Variants in DLGAP2 observed in about 807,000 individuals in gnomAD.
DLGAP2 encodes the protein DLG associated protein 2.
DLGAP2 carries 26 observed loss-of-function variants against 100.3 expected under a neutral mutation model. The observed-to-expected ratio is 0.26, with a 90% CI of 0.19 to 0.36. DLGAP2 has a LOEUF of 0.36. Among genes scored for constraint, DLGAP2 ranks in the 10% least tolerant of loss-of-function variants. The pLI is 1.00. For synonymous variants in DLGAP2, 886 were observed against 630.1 expected, an observed-to-expected ratio of 1.41 and a Z score of -6.08; for missense variants, 1,858 against 1,453.2, an observed-to-expected ratio of 1.28 and a Z score of -4.53.
intron 1 of DLGAP2, among the ~76,000 whole-genome samples, chr8:771,125 A>T (rs909882664): frequency 6.6e-6 from 1 of 152,124 alleles, no homozygotes; most frequent in East Asian, 1.9e-4. Flanking sequence ...TCAAGTAGTG[A>T]TTGTAAAATT....
chr8:1,538,262 T>C (rs908058058), intron 4 of DLGAP2, among the ~76,000 whole-genome samples: 5 of 152,172 alleles, frequency 3.3e-5, no homozygotes, highest in African/African-American at 9.7e-5. Context: ...ACTTAACTAA[T>C]TAAAATCTCT....
chr8:1,346,052 T>C (rs1184611918), intron 3 of DLGAP2, among the ~76,000 whole-genome samples: 1 of 152,248 alleles, frequency 6.6e-6, no homozygotes, highest in East Asian at 1.9e-4. Context: ...CCATGGGCAC[T>C]GTGCTCATGG....
intron 2 of DLGAP2, among the ~76,000 whole-genome samples, chr8:1,046,807 T>G (rs1802528272): frequency 6.6e-6 from 1 of 152,194 alleles, no homozygotes; most frequent in South Asian, 2.1e-4. Context: ...TATTAAATTT[T>G]CTGCTGAATT....
chr8:1,585,325 A>G (rs188306664), intron 6 of DLGAP2, among the ~76,000 whole-genome samples: 6 of 151,640 alleles, frequency 4.0e-5, no homozygotes, highest in African/African-American at 1.5e-4. Context: ...TTAGCCAGGC[A>G]TTTTGGCCCG....
intron 2 of DLGAP2, among the ~76,000 whole-genome samples, chr8:919,309 G>C (rs1465186936): frequency 6.6e-6 from 1 of 152,222 alleles, no homozygotes; most frequent in Admixed American, 6.5e-5. Flanking sequence ...TGGGGTAGCT[G>C]AGACAGAGCT....
chr8:1,276,849 C>G (rs779462184), intron 3 of DLGAP2, among the ~76,000 whole-genome samples: 1 of 152,156 alleles, frequency 6.6e-6, no homozygotes, highest in Non-Finnish European at 1.5e-5. Context: ...ATCATTTTCT[C>G]ACTAAAATTA....
chr8:897,517 G>C (rs752032423), intron 1 of DLGAP2, among the ~76,000 whole-genome samples: 3 of 152,202 alleles, frequency 2.0e-5, no homozygotes, highest in Non-Finnish European at 2.9e-5. Context: ...TATTTTACAT[G>C]AGTCTGTTTT....
intron 6 of DLGAP2, among the ~76,000 whole-genome samples, chr8:1,603,841 T>C (rs1449604412): frequency 1.3e-5 from 2 of 152,142 alleles, no homozygotes; most frequent in Non-Finnish European, 2.9e-5. Flanking sequence ...TGCGTCCTGC[T>C]GGCAGGAGAC....
At chr8:1,097,412 C>G (rs1804415585) in intron 2 of DLGAP2, among the ~76,000 whole-genome samples, 1 of 132,900 alleles carries the variant, frequency 7.5e-6, no homozygotes, top group Admixed American at 7.6e-5. Flanking sequence ...CCCTCTGTGG[C>G]ATGGAGAGGA....
chr8:822,320 C>T (rs1410409556), intron 1 of DLGAP2: 4 of 398,550 alleles, frequency 1.0e-5, no homozygotes, highest in African/African-American at 6.2e-5. Context: ...GGGGGCCTGG[C>T]CAGGCTCAGG....
At chr8:1,195,229 T>C (rs974521783) in intron 2 of DLGAP2, among the ~76,000 whole-genome samples, 19 of 152,180 alleles carry the variant, frequency 1.2e-4, no homozygotes, top group African/African-American at 3.9e-4. Flanking sequence ...GGGCTGCTGG[T>C]GTCCAGGACA....
intron 2 of DLGAP2, among the ~76,000 whole-genome samples, chr8:1,082,473 G>A (rs532972319): frequency 6.6e-6 from 1 of 152,278 alleles, no homozygotes; most frequent in South Asian, 2.1e-4. Flanking sequence ...GGGGTGCCGT[G>A]GCTCTCAGAG....
intron 1 of DLGAP2, among the ~76,000 whole-genome samples, chr8:875,204 C>T (rs918563693): frequency 6.6e-6 from 1 of 152,126 alleles, no homozygotes; most frequent in Non-Finnish European, 1.5e-5. Flanking sequence ...AGTCTGACAA[C>T]ATGCTTCTTT....
chr8:1,278,869 T>C (rs1396721805), intron 3 of DLGAP2, among the ~76,000 whole-genome samples: 1 of 152,342 alleles, frequency 6.6e-6, no homozygotes, highest in South Asian at 2.1e-4. Context: ...TGTGTACGAC[T>C]TTTTGGACAA....
chr8:861,006 G>A (rs1797378288), intron 1 of DLGAP2, among the ~76,000 whole-genome samples: 1 of 152,154 alleles, frequency 6.6e-6, no homozygotes, highest in Non-Finnish European at 1.5e-5. Flanking sequence ...GGCCACACGT[G>A]CAAAGGCCCT....
At chr8:1,685,278 C>T (rs893373757) in intron 12 of DLGAP2, among the ~76,000 whole-genome samples, 1 of 152,228 alleles carries the variant, frequency 6.6e-6, no homozygotes, top group African/African-American at 2.4e-5. Flanking sequence ...CCACAGAGAA[C>T]TGTGCCTGTG....
chr8:1,136,973 G>T (rs921089477), intron 2 of DLGAP2, among the ~76,000 whole-genome samples: 9 of 152,214 alleles, frequency 5.9e-5, no homozygotes, highest in Non-Finnish European at 1.0e-4. Flanking sequence ...CTGTAATCCT[G>T]CCTCTCAAGA....
chr8:1,140,644 C>T (rs1028151215), intron 2 of DLGAP2, among the ~76,000 whole-genome samples: 34 of 152,148 alleles, frequency 2.2e-4, no homozygotes, highest in African/African-American at 7.2e-4. Flanking sequence ...CCTAGGTTGT[C>T]CTCCTGTAGT....
Position 1,701,361 on chromosome 8 carries a change from G to C in DLGAP2, c.3123G>C (p.Ala1041=). The C allele has an allele frequency of 5.0e-6, 8 of 1,597,596 alleles. No individual in the cohort carries two copies. Among genetic ancestry groups the C allele is most frequent in the Non-Finnish European group, 6.8e-6 (8 of 1,172,906 alleles). ...SFRQNSASER[A]DSIEIYIPEA... ...GGCAGAATTCCGCCTCCGAGCGCGC[G>C]GACAGCATCGAGATCTACATCCCCG... Residue 1041 remains alanine, a synonymous_variant, in exon 15 of 15, where the codon GCG becomes GCC. Transcript: ENST00000637795.
Sources: allele counts gnomAD v4.1 joint callset (sites outside exome capture counted in the v4.1 genomes callset), GRCh38; gene constraint gnomAD v4.1.1; transcripts MANE v1.5; gene names NCBI Gene and HGNC (gene_info 2026-07-23, HGNC 2026-07-21).